MICU3: variants seen among roughly 807,000 people sequenced by gnomAD.
The protein encoded by MICU3 is calcium uptake protein 3, mitochondrial.
Under a neutral mutation model 66.5 loss-of-function variants are expected in MICU3, and 62 were observed. The ratio of observed to expected loss-of-function variants is 0.93; its 90% CI spans 0.76 to 1.15. MICU3 has a LOEUF of 1.15. Among genes scored for constraint, MICU3 ranks in the 50% most tolerant of loss-of-function variants. The pLI, the probability that MICU3 is intolerant of heterozygous loss-of-function variation, is 0.00. For synonymous variants in MICU3, 308 were observed against 240.7 expected (o/e 1.28, Z -2.59); for missense variants, 779 against 664.4 (o/e 1.17, Z -1.90).
intron 2 of MICU3, among the ~76,000 whole-genome samples, chr8:17,066,544 T>TATATATATATATATATA (rs1491234403): frequency 6.0e-4 from 37 of 61,452 alleles, no homozygotes; most frequent in African/African-American, 3.6e-3. Flanking sequence ...TATATATAGA[T>TATATATATATATATATA]TTTTTTTTTT....
chr8:17,040,247 T>C (rs929433340), intron 1 of MICU3, among the ~76,000 whole-genome samples: 2 of 152,170 alleles, frequency 1.3e-5, no homozygotes, highest in African/African-American at 4.8e-5. Context: ...TAAAGCTTCT[T>C]TGAGGAAGAT....
At chr8:17,054,272 C>G (rs1186571986) in intron 1 of MICU3, among the ~76,000 whole-genome samples, 1 of 152,044 alleles carries the variant, frequency 6.6e-6, no homozygotes, top group African/African-American at 2.4e-5. Context: ...TTGACAAAAT[C>G]ATACATGCCA....
At chr8:17,092,076 C>G (rs1333215274) in intron 8 of MICU3, among the ~76,000 whole-genome samples, 2 of 152,042 alleles carry the variant, frequency 1.3e-5, no homozygotes, top group Admixed American at 1.3e-4. Flanking sequence ...TTGGGTTTCA[C>G]CATTTCAGCC....
chr8:17,046,626 T>A (rs1437199900), intron 1 of MICU3, among the ~76,000 whole-genome samples: 1 of 152,114 alleles, frequency 6.6e-6, no homozygotes, highest in African/African-American at 2.4e-5. Flanking sequence ...GGTGTCATGA[T>A]TCATGGAATT....
At chr8:17,136,837 C>CTT in the MICU3 span, among the ~76,000 whole-genome samples, 15 of 140,360 alleles carry the variant, frequency 1.1e-4, no homozygotes, top group East Asian at 2.0e-4. Flanking sequence ...GGAGATAAAC[C>CTT]TTTTTTTTTT....
chr8:17,078,763 A>G (rs375376523), intron 4 of MICU3, among the ~76,000 whole-genome samples: 5 of 152,162 alleles, frequency 3.3e-5, no homozygotes, highest in Admixed American at 1.3e-4. Flanking sequence ...CGTGGTTTAC[A>G]TAGAATCTGA....
intron 1 of MICU3, among the ~76,000 whole-genome samples, chr8:17,061,848 C>G (rs898819337): frequency 3.3e-5 from 5 of 152,174 alleles, no homozygotes; most frequent in African/African-American, 9.7e-5. Flanking sequence ...GAGATGATTG[C>G]TCGTTTTTAC....
At chr8:17,050,939 C>G (rs1815969754) in intron 1 of MICU3, among the ~76,000 whole-genome samples, 1 of 152,100 alleles carries the variant, frequency 6.6e-6, no homozygotes, top group South Asian at 2.1e-4. Context: ...GCATGTGTTA[C>G]CACTTTATCA....
At chr8:17,042,319 T>C (rs972257421) in intron 1 of MICU3, among the ~76,000 whole-genome samples, 2 of 152,230 alleles carry the variant, frequency 1.3e-5, no homozygotes, top group African/African-American at 2.4e-5. Context: ...ACTGCTCTCC[T>C]GTAATTGTGC....
chr8:17,044,914 C>T (rs1814801976), intron 1 of MICU3, among the ~76,000 whole-genome samples: 1 of 152,122 alleles, frequency 6.6e-6, no homozygotes, highest in Admixed American at 6.6e-5. Context: ...ATTGGCCTTC[C>T]AGAAATTCTC....
At chr8:17,116,649 G>A in intron 13 of MICU3, 49 bp downstream of exon 13, 1 of 1,297,196 alleles carries the variant, frequency 7.7e-7, no homozygotes, top group Non-Finnish European at 1.1e-6. Context: ...AAAGTCTGAG[G>A]GAAATCAATC....
intron 9 of MICU3, 26 bp from the exon 10 acceptor site, chr8:17,104,365 C>G (rs1225214324): frequency 8.0e-7 from 1 of 1,247,024 alleles, no homozygotes; most frequent in East Asian, 2.6e-5. Context: ...TTGAAGCTAA[C>G]TTTTAAATTG....
At chr8:17,077,644 C>G in intron 3 of MICU3, 139 bp from the exon 4 acceptor site, 1 of 530,386 alleles carries the variant, frequency 1.9e-6, no homozygotes, top group Non-Finnish European at 3.3e-6. Context: ...GAATGAACCA[C>G]AGGCATAACA....
At chr8:17,029,605 G>A (rs748962965) in intron 1 of MICU3, among the ~76,000 whole-genome samples, 1 of 152,124 alleles carries the variant, frequency 6.6e-6, no homozygotes, top group African/African-American at 2.4e-5. Context: ...TGTGTCTTAT[G>A]CTTCCCTAGC....
chr8:17,074,974 T>C (rs909785216), intron 3 of MICU3, among the ~76,000 whole-genome samples: 1 of 152,160 alleles, frequency 6.6e-6, no homozygotes, highest in African/African-American at 2.4e-5. Context: ...ACCCACACTC[T>C]GACCTTACTG....
intron 13 of MICU3, among the ~76,000 whole-genome samples, chr8:17,118,387 A>G (rs1216177480): frequency 6.6e-6 from 1 of 152,170 alleles, no homozygotes; most frequent in Non-Finnish European, 1.5e-5. Context: ...TAACAAATCT[A>G]TCAGCTCACA....
At chr8:17,092,226 C>A (rs868051344) in intron 8 of MICU3, among the ~76,000 whole-genome samples, 13 of 151,944 alleles carry the variant, frequency 8.6e-5, no homozygotes, top group Admixed American at 8.5e-4. Flanking sequence ...AACCATTTTT[C>A]TAACTTTGAC....
rs191969706 is a variant in MICU3 at position 17,113,007 on chromosome 8, A to T, written c.1258-1086A>T. 3.9e-5 allele frequency among the ~76,000 whole-genome samples: 6 copies of T among 152,358 alleles called. No individual in the cohort carries two copies. The East Asian group carries it at 1.2e-3, about 29-fold the overall frequency. ...TGGAATGGTCATAAATGATCAATGT[A>T]AGGAAAGGAAAGTAAACAATGTGAG... is the stretch of plus-strand genomic sequence containing the variant. On this transcript the variant is annotated intron_variant, in intron 11 of 14. Transcript: ENST00000318063.
intron 1 of MICU3, among the ~76,000 whole-genome samples, chr8:17,038,167 A>AT (rs1813379755): frequency 6.6e-6 from 1 of 152,084 alleles, no homozygotes; most frequent in East Asian, 1.9e-4. Context: ...TTGTAATGTG[A>AT]TTTGGGAGGG....
Sources: allele counts gnomAD v4.1 joint callset (sites outside exome capture counted in the v4.1 genomes callset), GRCh38; gene constraint gnomAD v4.1.1; transcripts MANE v1.5; gene names NCBI Gene and HGNC (gene_info 2026-07-23, HGNC 2026-07-21).